ENPP2: variants seen among roughly 807,000 people sequenced by gnomAD.
ENPP2 encodes the protein autotaxin.
Under a neutral mutation model 120.2 loss-of-function variants are expected in ENPP2, and 51 were observed. The ratio of observed to expected loss-of-function variants is 0.42; its 90% confidence interval spans 0.34 to 0.54. The LOEUF (loss-of-function observed/expected upper bound fraction) is 0.54. Among genes scored for constraint, ENPP2 ranks in the 20% least tolerant of loss-of-function variants. ENPP2 has a pLI of 0.04. For missense variants in ENPP2, 920 were observed against 1,066.5 expected, an observed-to-expected ratio of 0.86 and a Z score of 1.91; for synonymous variants, 365 against 366.4, an observed-to-expected ratio of 1.00 and a Z score of 0.04.
chr8:119,595,837 A>T lies in ENPP2; in HGVS notation c.973-1977T>A, dbSNP rs756346918. ...CCGCCACAAAGCTTTGGAACAATAG[A>T]TAAACTTACTTTGTCCTGACGAGTT... On this transcript the variant is annotated intron_variant, in intron 11 of 24. Coordinates refer to ENST00000075322, the MANE Select transcript of ENPP2 (RefSeq NM_001040092.3). 8 of 1,613,574 alleles carry T rather than the reference A, an allele frequency of 5.0e-6. No homozygotes were observed. The South Asian group carries it at 8.8e-5, about 18-fold the overall frequency.
In ENPP2 at chr8:119,562,976, A is replaced by G; in HGVS notation, c.2302T>C (p.Tyr768His). ...EGSSIPVPTH[Y>H]YSIITSCLDF... ...AGACAGCTGGTGATGATGCTGTAGT[A>G]GTGAGTTGGAACAGGAATGGAACTG... Residue 768 changes from tyrosine (Y) to histidine (H), a missense_variant, in exon 24 of 25, where the codon TAC (tyrosine) becomes CAC (histidine). Transcript: ENST00000075322. 3 of 1,614,146 alleles carry G rather than the reference A, an allele frequency of 1.9e-6. No individual in the cohort carries two copies. The highest frequency in any genetic ancestry group is 2.5e-6 in the Non-Finnish European group (3 of 1,179,992).
chr8:119,613,750 G>C (rs1377575559), intron 8 of ENPP2, among the ~76,000 whole-genome samples: 1 of 151,908 alleles, frequency 6.6e-6, no homozygotes, highest in Non-Finnish European at 1.5e-5. Flanking sequence ...ATTTATAACT[G>C]ACATATAATA....
chr8:119,642,435 G>T (rs1371970148), upstream of ENPP2, among the ~76,000 whole-genome samples: 3 of 151,636 alleles, frequency 2.0e-5, no homozygotes, highest in Non-Finnish European at 4.4e-5. Flanking sequence ...GCTAACGATG[G>T]TTGACATAAA....
At chr8:119,628,487 C>A (rs891681609) in intron 2 of ENPP2, among the ~76,000 whole-genome samples, 2 of 152,064 alleles carry the variant, frequency 1.3e-5, no homozygotes, top group Admixed American at 6.5e-5. Flanking sequence ...GTAAAGAGAT[C>A]CTGAAATCAA....
intron 1 of ENPP2, among the ~76,000 whole-genome samples, chr8:119,661,351 G>T (rs562491092): frequency 2.0e-3 from 297 of 152,212 alleles, no homozygotes; most frequent in Non-Finnish European, 3.5e-3. Flanking sequence ...AATGGTTGAA[G>T]AACCTGAATA....
chr8:119,633,715 A>G (rs550195628), intron 2 of ENPP2, among the ~76,000 whole-genome samples: 9 of 152,168 alleles, frequency 5.9e-5, no homozygotes, highest in Admixed American at 3.3e-4. Context: ...ACAGGTCTAC[A>G]TGTCAGTATC....
intron 11 of ENPP2, among the ~76,000 whole-genome samples, chr8:119,596,399 C>T (rs1365347870): frequency 6.6e-6 from 1 of 152,124 alleles, no homozygotes; most frequent in East Asian, 1.9e-4. Flanking sequence ...GAAAAGTAGG[C>T]TAAATACTAG....
chr8:119,601,951 G>T (rs1814342807), intron 9 of ENPP2, among the ~76,000 whole-genome samples: 2 of 152,058 alleles, frequency 1.3e-5, no homozygotes, highest in South Asian at 4.1e-4. Context: ...GATGAAATGA[G>T]ACAAGACAAG....
chr8:119,670,726 G>A (rs1370487822), intron 1 of ENPP2, among the ~76,000 whole-genome samples: 1 of 152,122 alleles, frequency 6.6e-6, no homozygotes, highest in Non-Finnish European at 1.5e-5. Flanking sequence ...CCTCACAGAT[G>A]TACAGAAAGA....
intron 1 of ENPP2, among the ~76,000 whole-genome samples, chr8:119,660,631 T>C (rs1359025572): frequency 6.6e-6 from 1 of 152,206 alleles, no homozygotes; most frequent in Non-Finnish European, 1.5e-5. Flanking sequence ...CGTGAGACCT[T>C]TCTCAAGTTT....
At chr8:119,587,212 A>G in intron 13 of ENPP2, 137 bp from the exon 14 acceptor site, 2 of 742,030 alleles carry the variant, frequency 2.7e-6, no homozygotes, top group Non-Finnish European at 4.6e-6. Flanking sequence ...TTTGAAAGAT[A>G]AATAATTGTG....
intron 19 of ENPP2, chr8:119,572,552 A>T (rs1422991064): frequency 9.9e-6 from 3 of 302,920 alleles, no homozygotes; most frequent in Non-Finnish European, 1.9e-5. Flanking sequence ...TATTTGCAAC[A>T]CTCTCTTCAC....
chr8:119,637,657 A>C (rs559347978), intron 2 of ENPP2, among the ~76,000 whole-genome samples: 2 of 152,194 alleles, frequency 1.3e-5, no homozygotes, highest in Middle Eastern at 3.2e-3. Flanking sequence ...GTAATTTTTT[A>C]TTTCTAAAAC....
chr8:119,605,874 C>A (rs993317674), intron 9 of ENPP2, among the ~76,000 whole-genome samples: 1 of 152,112 alleles, frequency 6.6e-6, no homozygotes, highest in Non-Finnish European at 1.5e-5. Flanking sequence ...GGATGAGAAT[C>A]AACGTGAACA....
chr8:119,558,807 A>G (rs1286373093), intron 24 of ENPP2, among the ~76,000 whole-genome samples: 1 of 152,088 alleles, frequency 6.6e-6, no homozygotes, highest in Non-Finnish European at 1.5e-5. Context: ...GGGTGGCTGC[A>G]TGTCCTAGGT....
rs992471264 is a variant in ENPP2, at chr8:119,569,316, G to A, written c.1972C>T (p.Arg658Cys). Residue 658 changes from arginine (R) to cysteine (C), a missense_variant, in exon 21 of 25, where the codon CGT (arginine) becomes TGT (cysteine). Physicochemically the swap from Arg to Cys is radical, Grantham distance 180. Coordinates refer to ENST00000075322, the MANE Select transcript of ENPP2 (RefSeq NM_001040092.3). ...HLTSCVRPDV[R>C]VSPSFSQNCL... is the part of the protein sequence containing the mutation. ...TTCTGACTGAAACTCGGAGAAACACGGACATCAGGCCGGACGCAACTGGTC... is the reference window on the plus strand; with the variant it reads ...TTCTGACTGAAACTCGGAGAAACACAGACATCAGGCCGGACGCAACTGGTC... 9.9e-6 allele frequency: 16 copies of A among 1,613,794 alleles called. No individual in the cohort carries two copies. The highest frequency in any genetic ancestry group is 4.4e-5 in the South Asian group (4 of 91,070).
intron 18 of ENPP2, 126 bp from the exon 19 acceptor site, chr8:119,580,293 A>G: frequency 1.3e-6 from 1 of 752,944 alleles, no homozygotes; most frequent in Non-Finnish European, 2.4e-6. Context: ...CATCTATATC[A>G]TACATTCTTT....
chr8:119,630,958 G>T (rs926802934), intron 2 of ENPP2, among the ~76,000 whole-genome samples: 7 of 147,606 alleles, frequency 4.7e-5, no homozygotes, highest in Non-Finnish European at 1.0e-4. Flanking sequence ...GTAATGGTGC[G>T]ATCTCGGCTC....
chr8:119,622,543 T>C (rs1045445050), intron 3 of ENPP2, among the ~76,000 whole-genome samples: 5 of 152,020 alleles, frequency 3.3e-5, no homozygotes, highest in Admixed American at 3.3e-4. Flanking sequence ...GAGTGCTGTG[T>C]TTTTTGACTT....
Sources: allele counts gnomAD v4.1 joint callset (sites outside exome capture counted in the v4.1 genomes callset), GRCh38; gene constraint gnomAD v4.1.1; transcripts MANE v1.5; gene names NCBI Gene and HGNC (gene_info 2026-07-23, HGNC 2026-07-21).